Variants in HERC1 observed in about 807,000 individuals in gnomAD.
The protein encoded by HERC1 is HECT and RLD domain containing E3 ubiquitin protein ligase family member 1.
Under a neutral mutation model 554.3 loss-of-function variants are expected in HERC1, and 160 were observed. The ratio of observed to expected loss-of-function variants is 0.29; its 90% CI spans 0.25 to 0.33. The LOEUF is 0.33. Ranked by LOEUF, HERC1 falls within the 10% of genes least tolerant of loss-of-function variation. HERC1 has a pLI of 1.00. For missense variants in HERC1, 4,919 were observed against 5,918.5 expected, an observed-to-expected ratio of 0.83 and a Z score of 5.54; for synonymous variants, 2,175 against 2,131.7, an observed-to-expected ratio of 1.02 and a Z score of -0.56.
chr15:63,691,698 G>A (rs193190416), intron 31 of HERC1, among the ~76,000 whole-genome samples: 204 of 152,072 alleles, frequency 1.3e-3, no homozygotes, highest in African/African-American at 4.6e-3. Context: ...TATATTGAGC[G>A]TGTAAACATA....
chr15:63,829,052 G>A (rs2078036769), intron 1 of HERC1, among the ~76,000 whole-genome samples: 1 of 152,070 alleles, frequency 6.6e-6, no homozygotes, highest in South Asian at 2.1e-4. Context: ...CAGAAGGAAC[G>A]GGAGAAGGTT....
At chr15:63,821,893 C>A (rs550228431) in intron 1 of HERC1, among the ~76,000 whole-genome samples, 2 of 151,934 alleles carry the variant, frequency 1.3e-5, no homozygotes, top group Non-Finnish European at 2.9e-5. Context: ...AGTTTACATT[C>A]TAGTAAGGAA....
At chr15:63,731,067 T>C (rs920397819) in intron 14 of HERC1, among the ~76,000 whole-genome samples, 8 of 152,220 alleles carry the variant, frequency 5.3e-5, no homozygotes, top group Non-Finnish European at 8.8e-5. Context: ...TCCAATGGAA[T>C]CATAAATGTT....
intron 37 of HERC1, among the ~76,000 whole-genome samples, chr15:63,676,221 A>G (rs1052657588): frequency 3.9e-5 from 6 of 152,144 alleles, no homozygotes; most frequent in African/African-American, 1.4e-4. Flanking sequence ...CATCTTAACC[A>G]GGCATCATAA....
chr15:63,677,745 G>A lies in HERC1; in HGVS notation c.7070+100C>T. ...GAGAAATATTTTTAAAAGTTAACTGGCAGCTCACCTAAAATACATAATTAC... is the reference window on the plus strand; with the variant it reads ...GAGAAATATTTTTAAAAGTTAACTGACAGCTCACCTAAAATACATAATTAC... On this transcript the variant is annotated intron_variant, in intron 37 of 77. Coordinates refer to ENST00000443617, the MANE Select transcript of HERC1 (RefSeq NM_003922.4). This position sits in a 1 kb window ranked among gnomAD's most constrained non-coding sequence, Gnocchi z 4.4. 4 of 1,493,256 alleles carry A rather than the reference G, an allele frequency of 2.7e-6. No homozygotes were observed. The highest frequency in any genetic ancestry group is 2.7e-6 in the Non-Finnish European group (3 of 1,123,496). 92.5% of individuals were successfully genotyped at this position (1,493,256 alleles called of 1,614,324 possible).
In HERC1 at chr15:63,756,533, G is replaced by A; in HGVS notation, c.1437C>T (p.Val479=). ...CATAATCACCATCTCCCCAACTGAA[G>A]ACTTCTCCTTCTGTCGTAAAGGCTA... ...HTLAFTTEGE[V]FSWGDGDYGK... Residue 479 remains valine (V), a synonymous_variant, in exon 5 of 78, where the codon GTC becomes GTT. Coordinates refer to ENST00000443617, the MANE Select transcript of HERC1 (RefSeq NM_003922.4). The surrounding 1 kb of genome is among the most constrained non-coding windows in gnomAD (Gnocchi z 5.0). 6.2e-7 allele frequency: 1 copy of A among 1,613,774 alleles called. No individual in the cohort carries two copies. Among genetic ancestry groups the A allele is most frequent in the Non-Finnish European group, 8.5e-7 (1 of 1,179,748 alleles).
intron 74 of HERC1, among the ~76,000 whole-genome samples, chr15:63,621,953 G>C (rs1459979890): frequency 6.6e-6 from 1 of 151,988 alleles, no homozygotes; most frequent in African/African-American, 2.4e-5. Context: ...CTTTAGCTCA[G>C]GGTAGTTTGA....
chr15:63,745,438 T>C (rs1435482658), intron 12 of HERC1, among the ~76,000 whole-genome samples: 1 of 152,208 alleles, frequency 6.6e-6, no homozygotes, highest in Non-Finnish European at 1.5e-5. Context: ...TTTGGATCAC[T>C]GGGATCAGCA....
At chr15:63,771,188 CA>C (rs944901135) in intron 2 of HERC1, among the ~76,000 whole-genome samples, 147 of 137,054 alleles carry the variant, frequency 1.1e-3, no homozygotes, top group Non-Finnish European at 1.1e-3. Flanking sequence ...AACTCTACCT[CA>C]AAAAAAAAAA....
At chr15:63,715,034 T>C (rs2073483807) in intron 22 of HERC1, among the ~76,000 whole-genome samples, 1 of 152,154 alleles carries the variant, frequency 6.6e-6, no homozygotes, top group Non-Finnish European at 1.5e-5. Context: ...CCTCTCAGAG[T>C]CCAGAGCTAG....
intron 23 of HERC1, 49 bp from the exon 24 acceptor site, chr15:63,712,944 T>C (rs2073376333): frequency 6.4e-7 from 1 of 1,552,454 alleles, no homozygotes; most frequent in Non-Finnish European, 8.7e-7. Flanking sequence ...GGACTGTTAG[T>C]GAACATAAAA....
intron 32 of HERC1, 72 bp downstream of exon 32, chr15:63,690,469 G>C (rs2072044068): frequency 2.1e-6 from 2 of 931,190 alleles, no homozygotes. Flanking sequence ...TGAAGAGACT[G>C]TTAAGTACAG....
chr15:63,651,543 G>A (rs2069677487), intron 52 of HERC1, among the ~76,000 whole-genome samples, 163 bp from the exon 53 acceptor site: 1 of 152,174 alleles, frequency 6.6e-6, no homozygotes, highest in Admixed American at 6.5e-5. Context: ...ACTCATTAAT[G>A]TTTGTCATCA....
rs2075517142 is a variant in HERC1, at chr15:63,758,892, ACCC to A, written c.1027-526_1027-524del. 6.6e-6 allele frequency among the ~76,000 whole-genome samples: 1 copy of A among 151,560 alleles called. No individual in the cohort carries two copies. On this transcript the variant is annotated intron_variant, in intron 3 of 77. Coordinates refer to ENST00000443617, the MANE Select transcript of HERC1 (RefSeq NM_003922.4). The surrounding 1 kb of genome is among the most constrained non-coding windows in gnomAD (Gnocchi z 4.0). ...TCACAATGTACTCAACCACTTCCCCACCCCCAACTTTTTTTTTAAATAGATGGG... is the reference window on the plus strand; with the variant it reads ...TCACAATGTACTCAACCACTTCCCCACCAACTTTTTTTTTAAATAGATGGG...
At position 63,713,650 on chromosome 15, in the gene HERC1, A is replaced by G; in HGVS notation, c.4166T>C (p.Phe1389Ser). Residue 1389 changes from phenylalanine (F) to serine (S), a missense_variant, in exon 23 of 78, where the codon TTC becomes TCC. Physicochemically the swap from Phe to Ser is radical, Grantham distance 155. This residue lies in a region of HERC1 where 1,121 missense variants were observed against 1,244.0 expected (regional missense o/e 0.90). Coordinates refer to ENST00000443617, the MANE Select transcript of HERC1 (RefSeq NM_003922.4). ...VMTAGKIFQC[F>S]LSAREVARSR... The stretch of plus-strand genomic sequence containing the variant: ...ACGAGCTACTTCACGGGCTGAGAGG[A>G]AACACTGAAAGATTTCTGTAACATG... The G allele has an allele frequency of 6.2e-7, 1 of 1,609,942 alleles. No individual in the cohort carries two copies. The highest frequency in any genetic ancestry group is 8.5e-7 in the Non-Finnish European group (1 of 1,177,794).
At chr15:63,649,994 T>C in intron 53 of HERC1, 69 bp from the exon 54 acceptor site, 1 of 1,138,862 alleles carries the variant, frequency 8.8e-7, no homozygotes, top group Non-Finnish European at 1.3e-6. Context: ...CAGAAACAAA[T>C]ACTACTTAAT....
intron 37 of HERC1, among the ~76,000 whole-genome samples, chr15:63,675,358 A>G (rs1463477095): frequency 6.6e-6 from 1 of 152,250 alleles, no homozygotes; most frequent in Non-Finnish European, 1.5e-5. Context: ...TCACTAATAT[A>G]TAATGTATGC....
chr15:63,723,711 G>T (rs12900106), intron 18 of HERC1, among the ~76,000 whole-genome samples: 123,581 of 152,170 alleles, frequency 0.81, 52,048 homozygotes, highest in Non-Finnish European at 0.87. Flanking sequence ...AAAAACCAAC[G>T]CGTTCAAAAT....
intron 4 of HERC1, among the ~76,000 whole-genome samples, chr15:63,757,188 CAAATGTAAAAAAAAAAGTGATCATAAGA>C (rs1320158648): frequency 7.9e-6 from 1 of 126,968 alleles, no homozygotes; most frequent in East Asian, 2.1e-4. Flanking sequence ...AGCTGGGCTA[CAAATGTAAAAAAAAAAGTGATCATAAGA>C]AAATGAAATG....
Sources: gnomAD v4.1 joint callset for allele counts (sites outside exome capture counted in the v4.1 genomes callset) on GRCh38, gnomAD v4.1.1 for gene constraint, gnomAD v4.1.1 regional missense constraint, Gnocchi (gnomAD v3.1) non-coding constraint, MANE v1.5 for transcripts, NCBI Gene and HGNC (gene_info 2026-07-23, HGNC 2026-07-21) for gene names.